Variants in PTPRG observed in about 807,000 individuals in gnomAD.
PTPRG encodes protein tyrosine phosphatase receptor type G, also known as receptor-type tyrosine-protein phosphatase gamma.
In PTPRG, 102 loss-of-function variants were observed where a neutral mutation model predicts 165.3. The ratio of observed to expected loss-of-function variants is 0.62; its 90% confidence interval spans 0.53 to 0.73. The LOEUF (loss-of-function observed/expected upper bound fraction) is 0.73, where lower values mean the gene tolerates loss of function less well. PTPRG is among the 30% of genes least tolerant of loss of function. PTPRG has a pLI of 0.00. For synonymous variants in PTPRG, 675 were observed against 669.5 expected (o/e 1.01, Z -0.13); for missense variants, 1,866 against 1,861.4 (o/e 1.00, Z -0.05).
At chr3:61,904,473 A>G (rs1029482104) in intron 2 of PTPRG, among the ~76,000 whole-genome samples, 1 of 152,150 alleles carries the variant, frequency 6.6e-6, no homozygotes, top group Admixed American at 6.6e-5. Context: ...CCTGCTTCCC[A>G]GGACTTTTTG....
At chr3:61,923,439 G>A (rs1463256513) in intron 2 of PTPRG, among the ~76,000 whole-genome samples, 2 of 151,264 alleles carry the variant, frequency 1.3e-5, no homozygotes, top group East Asian at 3.9e-4. Flanking sequence ...CAAGTTTTAG[G>A]GTACATGTGC....
chr3:62,066,837 A>G (rs349170), intron 4 of PTPRG, among the ~76,000 whole-genome samples: 23,437 of 152,042 alleles, frequency 0.15, 2,302 homozygotes, highest in African/African-American at 0.26. Flanking sequence ...CAGGAGATCT[A>G]GACCATCCTG....
intron 2 of PTPRG, among the ~76,000 whole-genome samples, chr3:61,954,043 G>A (rs2039965493): frequency 6.6e-6 from 1 of 152,166 alleles, no homozygotes; most frequent in South Asian, 2.1e-4. Context: ...TCTGGGGAGA[G>A]GACAGACTCA....
At chr3:61,882,262 TTGGGAAGTTG>T (rs890239137) in intron 2 of PTPRG, among the ~76,000 whole-genome samples, 9 of 152,206 alleles carry the variant, frequency 5.9e-5, no homozygotes, top group African/African-American at 2.2e-4. Context: ...CAGTGACTAG[TTGGGAAGTTG>T]TTTCCTCTGA....
chr3:61,971,179 A>T lies in PTPRG; in HGVS notation c.191-18446A>T, dbSNP rs1490009056. Among the ~76,000 whole-genome samples the T allele has an allele frequency of 2.0e-5, 3 of 152,138 alleles. No individual in the cohort carries two copies. In the East Asian group the frequency reaches 5.8e-4, roughly 29 times the overall value. On this transcript the variant is annotated intron_variant, in intron 2 of 29. Transcript: ENST00000474889. ...GTGATTCTCCTACCTCAGCCTCCTA[A>T]GTAGCTGGATTACAGGCATCTGCCA...
Position 62,166,689 on chromosome 3 carries a change from T to A in PTPRG, c.841-1282T>A, listed in dbSNP as rs1351110358. Among the ~76,000 whole-genome samples the A allele has an allele frequency of 4.0e-5, 6 of 151,738 alleles. No individual in the cohort carries two copies. The South Asian group carries it at 6.3e-4, about 16-fold the overall frequency. ...TTGAGGGACACAAAAAAATCCCTTT[T>A]TTGTTCTGTTCTGTTTTTGAGACAG... On this transcript the variant is annotated intron_variant, in intron 7 of 29. Coordinates refer to ENST00000474889, the MANE Select transcript of PTPRG (RefSeq NM_002841.4).
intron 2 of PTPRG, among the ~76,000 whole-genome samples, chr3:61,800,632 G>A (rs115426647): frequency 6.6e-6 from 1 of 151,514 alleles, no homozygotes; most frequent in Non-Finnish European, 1.5e-5. Context: ...GTGTTCCGTG[G>A]TGGGGACAGA....
At chr3:62,260,441 A>G (rs1352355587) in intron 16 of PTPRG, among the ~76,000 whole-genome samples, 1 of 152,150 alleles carries the variant, frequency 6.6e-6, no homozygotes, top group Non-Finnish European at 1.5e-5. Context: ...TCACCTCCCT[A>G]AAATTCTCGT....
chr3:61,633,230 A>G (rs1701816613), intron 1 of PTPRG, among the ~76,000 whole-genome samples: 1 of 152,174 alleles, frequency 6.6e-6, no homozygotes, highest in South Asian at 2.1e-4. Context: ...CTGGAGTGTG[A>G]GTTTCATGAT....
At chr3:62,167,859 G>A (rs1031303169) in intron 7 of PTPRG, 112 bp from the exon 8 acceptor site, 17 of 1,119,108 alleles carry the variant, frequency 1.5e-5, no homozygotes, top group Non-Finnish European at 2.1e-5. Context: ...ACTTCCTACC[G>A]TTTCATGCTC....
At chr3:61,809,044 A>G (rs2035497747) in intron 2 of PTPRG, among the ~76,000 whole-genome samples, 1 of 150,184 alleles carries the variant, frequency 6.7e-6, no homozygotes, top group African/African-American at 2.5e-5. Flanking sequence ...TTCTTGTAAA[A>G]TGGGGGTAAT....
intron 1 of PTPRG, among the ~76,000 whole-genome samples, chr3:61,698,448 T>C (rs1246365169): frequency 6.6e-6 from 1 of 152,174 alleles, no homozygotes; most frequent in African/African-American, 2.4e-5. Flanking sequence ...TAAAACTTTA[T>C]TTACATAAAC....
chr3:61,673,197 A>G (rs1240539581), intron 1 of PTPRG, among the ~76,000 whole-genome samples: 1 of 152,180 alleles, frequency 6.6e-6, no homozygotes, highest in African/African-American at 2.4e-5. Context: ...AAACAAATAA[A>G]TAACAAGCTA....
intron 2 of PTPRG, among the ~76,000 whole-genome samples, chr3:61,939,200 A>G (rs182598288): frequency 1.3e-4 from 20 of 152,326 alleles, no homozygotes; most frequent in African/African-American, 4.8e-4. Flanking sequence ...GCATTTAAAA[A>G]TAAAACACTG....
chr3:61,915,941 C>T (rs894216526), intron 2 of PTPRG, among the ~76,000 whole-genome samples: 1 of 152,156 alleles, frequency 6.6e-6, no homozygotes, highest in African/African-American at 2.4e-5. Context: ...GCAGCCCATT[C>T]CTGAATTAAT....
At chr3:62,058,188 ACC>A (rs1233104254) in intron 4 of PTPRG, among the ~76,000 whole-genome samples, 1 of 152,196 alleles carries the variant, frequency 6.6e-6, no homozygotes, top group Non-Finnish European at 1.5e-5. Context: ...AATTGTGTGT[ACC>A]TAGCCCAAGC....
intron 5 of PTPRG, among the ~76,000 whole-genome samples, chr3:62,105,076 A>G (rs1702425279): frequency 6.6e-6 from 1 of 152,166 alleles, no homozygotes; most frequent in African/African-American, 2.4e-5. Flanking sequence ...CAGTTAAAAG[A>G]ACTGTGGTCA....
At chr3:62,028,633 G>C (rs1164748312) in intron 4 of PTPRG, among the ~76,000 whole-genome samples, 1 of 152,186 alleles carries the variant, frequency 6.6e-6, no homozygotes, top group Non-Finnish European at 1.5e-5. Flanking sequence ...TTTATACCAA[G>C]GCTTTGTTAG....
At chr3:61,731,131 A>C (rs909138827) in intron 1 of PTPRG, among the ~76,000 whole-genome samples, 1 of 152,164 alleles carries the variant, frequency 6.6e-6, no homozygotes, top group East Asian at 1.9e-4. Flanking sequence ...AGACCAAGGA[A>C]CGATTTGGCT....
Sources: allele counts gnomAD v4.1 joint callset (sites outside exome capture counted in the v4.1 genomes callset), GRCh38; gene constraint gnomAD v4.1.1; transcripts MANE v1.5; gene names NCBI Gene and HGNC (gene_info 2026-07-23, HGNC 2026-07-21).